UBE2H: variants seen among roughly 807,000 people sequenced by gnomAD.
UBE2H encodes ubiquitin conjugating enzyme E2 H, also known as ubiquitin-conjugating enzyme E2 H.
UBE2H carries 3 observed loss-of-function variants against 29.0 expected under a neutral mutation model. The ratio of observed to expected loss-of-function variants is 0.10; its 90% CI spans 0.05 to 0.27. The LOEUF (loss-of-function observed/expected upper bound fraction) is 0.27, where lower values mean the gene tolerates loss of function less well. Among genes scored for constraint, UBE2H ranks in the 10% least tolerant of loss-of-function variants. The pLI, the probability that UBE2H is intolerant of heterozygous loss-of-function variation, is 1.00. For synonymous variants in UBE2H, 69 were observed against 82.9 expected, an observed-to-expected ratio of 0.83 and a Z score of 0.91; for missense variants, 68 against 228.2, an observed-to-expected ratio of 0.30 and a Z score of 4.52.
At chr7:129,919,421 T>G (rs545547965) in intron 1 of UBE2H, among the ~76,000 whole-genome samples, 1 of 152,106 alleles carries the variant, frequency 6.6e-6, no homozygotes, top group African/African-American at 2.4e-5. Flanking sequence ...CAACTCCACC[T>G]GCCTCCATAT....
chr7:129,897,668 C>T (rs1388637491), intron 1 of UBE2H, among the ~76,000 whole-genome samples: 2 of 152,146 alleles, frequency 1.3e-5, no homozygotes, highest in South Asian at 2.1e-4. Context: ...GAGAACTCTG[C>T]GTTCCAAAAC....
At chr7:129,922,940 C>T (rs570472316) in intron 1 of UBE2H, among the ~76,000 whole-genome samples, 20 of 151,978 alleles carry the variant, frequency 1.3e-4, no homozygotes, top group African/African-American at 4.1e-4. Flanking sequence ...CTCGCTCTGT[C>T]GCCCAGGTTG....
At chr7:129,912,597 A>G (rs1274460197) in intron 1 of UBE2H, among the ~76,000 whole-genome samples, 2 of 152,216 alleles carry the variant, frequency 1.3e-5, no homozygotes, top group African/African-American at 4.8e-5. Context: ...ACATGAAACA[A>G]AGTTTGTGTT....
chr7:129,835,290 C>T (rs1805301686), intron 6 of UBE2H, among the ~76,000 whole-genome samples: 1 of 152,168 alleles, frequency 6.6e-6, no homozygotes, highest in African/African-American at 2.4e-5. Context: ...TTGGGAAGAG[C>T]AACACAGCAG....
chr7:129,898,435 TGAAG>T (rs1411285174), intron 1 of UBE2H, among the ~76,000 whole-genome samples: 2 of 152,098 alleles, frequency 1.3e-5, no homozygotes, highest in African/African-American at 4.8e-5. Flanking sequence ...ACAATAAGAA[TGAAG>T]GCTGTATTGT....
Position 129,832,629 on chromosome 7 carries a change from T to C in UBE2H, c.*2308A>G, listed in dbSNP as rs778643030. 1 of 152,118 alleles carries C rather than the reference T, an allele frequency of 6.6e-6. No homozygotes were observed. Among genetic ancestry groups the C allele is most frequent in the Non-Finnish European group, 1.5e-5 (1 of 68,040 alleles). The allele number at this position is 152,118 out of a possible 1,614,324, so 9.4% of individuals were successfully genotyped here. On this transcript the variant is annotated 3_prime_UTR_variant, in exon 7 of 7. Transcript: ENST00000355621. ...TCTGGTCAGAGGCGAGCCAATGTCT[T>C]ATCATTAGAGAGATGTGGGATTAGG...
intron 1 of UBE2H, chr7:129,948,999 G>A: frequency 2.2e-6 from 1 of 456,726 alleles, no homozygotes; most frequent in Middle Eastern, 3.2e-4. Flanking sequence ...CTCCTTTTCC[G>A]GGTAGTAACA....
chr7:129,931,417 CA>C (rs973794180), intron 1 of UBE2H, among the ~76,000 whole-genome samples: 1 of 151,574 alleles, frequency 6.6e-6, no homozygotes, highest in Non-Finnish European at 1.5e-5. Flanking sequence ...CTGAAGACCT[CA>C]AAGAGCTTTT....
intron 6 of UBE2H, among the ~76,000 whole-genome samples, chr7:129,835,885 G>A (rs1288708025): frequency 6.6e-6 from 1 of 152,174 alleles, no homozygotes; most frequent in African/African-American, 2.4e-5. Flanking sequence ...TAGAGTTGCG[G>A]GGACTCACTG....
intron 1 of UBE2H, among the ~76,000 whole-genome samples, chr7:129,920,847 T>TAAAAAAAAAAAAAAAAAAAAAAAA (rs1807144830): frequency 7.7e-5 from 1 of 12,924 alleles, no homozygotes. Context: ...CTAGAAAAAG[T>TAAAAAAAAAAAAAAAAAAAAAAAA]CAAAAAAAAA....
rs143711944 is a variant in UBE2H, at chr7:129,908,700, T to C, written c.54-27729A>G. On this transcript the variant is annotated intron_variant, in intron 1 of 6. Transcript: ENST00000355621. ...CAGCAAAGCATACTGCTAAATATGA[T>C]AGCAAATAATTGTTTAAACACAAAT... Among the ~76,000 whole-genome samples the C allele has an allele frequency of 1.8e-3, 279 of 152,330 alleles. 2 individuals are homozygous for C. The highest frequency in any genetic ancestry group is 5.4e-3 in the South Asian group (26 of 4,832).
At chr7:129,940,704 T>C (rs1807623509) in intron 1 of UBE2H, among the ~76,000 whole-genome samples, 1 of 152,190 alleles carries the variant, frequency 6.6e-6, no homozygotes, top group Admixed American at 6.6e-5. Flanking sequence ...ATTTGGGTTC[T>C]ACTGGTCATG....
chr7:129,923,298 T>A (rs1251236847), intron 1 of UBE2H, among the ~76,000 whole-genome samples: 3 of 152,204 alleles, frequency 2.0e-5, no homozygotes, highest in Non-Finnish European at 4.4e-5. Flanking sequence ...TTTCGTAAGT[T>A]TGGTTTTATT....
rs1032141550 is a variant in UBE2H at position 129,922,911 on chromosome 7, C to CT, written c.53+29591dup. Among the ~76,000 whole-genome samples the CT allele has an allele frequency of 1.3e-4, 19 of 150,982 alleles. 1 individual carries two copies. Among genetic ancestry groups the CT allele is most frequent in the Non-Finnish European group, 2.7e-4 (18 of 67,656 alleles). On this transcript the variant is annotated intron_variant, in intron 1 of 6. Transcript: ENST00000355621. ...TGTATCTGAGATTTTTCTTTTTTTT[C>CT]TTTTTTTTGAGAAGGAGTCTCGCTC...
chr7:129,934,642 A>T (rs1445869471), intron 1 of UBE2H, among the ~76,000 whole-genome samples: 1 of 149,932 alleles, frequency 6.7e-6, no homozygotes, highest in Non-Finnish European at 1.5e-5. Flanking sequence ...CGTCTTTAAA[A>T]AAAAAAAAAA....
chr7:129,840,408 G>A (rs1805407989), intron 5 of UBE2H, among the ~76,000 whole-genome samples: 1 of 151,548 alleles, frequency 6.6e-6, no homozygotes, highest in Non-Finnish European at 1.5e-5. Flanking sequence ...GGCTGGTCTT[G>A]AACTCCTGGA....
At chr7:129,869,089 A>C (rs1022210244) in intron 3 of UBE2H, among the ~76,000 whole-genome samples, 2 of 152,066 alleles carry the variant, frequency 1.3e-5, no homozygotes, top group Admixed American at 6.5e-5. Flanking sequence ...GGCATGTGCC[A>C]CCATGCCCAG....
At chr7:129,924,294 T>C (rs62491533) in intron 1 of UBE2H, among the ~76,000 whole-genome samples, 19,496 of 152,174 alleles carry the variant, frequency 0.13, 1,580 homozygotes, top group East Asian at 0.3. Context: ...TAACAACACA[T>C]CATTACTAAT....
At chr7:129,896,011 T>C (rs1049010038) in intron 1 of UBE2H, among the ~76,000 whole-genome samples, 37 of 152,140 alleles carry the variant, frequency 2.4e-4, no homozygotes, top group African/African-American at 6.5e-4. Flanking sequence ...AGTATCTATG[T>C]AGTGCCTTTG....
Sources: allele counts gnomAD v4.1 joint callset (sites outside exome capture counted in the v4.1 genomes callset), GRCh38; gene constraint gnomAD v4.1.1; transcripts MANE v1.5; gene names NCBI Gene and HGNC (gene_info 2026-07-23, HGNC 2026-07-21).